The following ECE1 variants were observed in gnomAD, a reference collection of about 807,000 sequenced individuals.
The protein encoded by ECE1 is endothelin-converting enzyme 1.
In ECE1, 35 loss-of-function variants were observed where a neutral mutation model predicts 98.6. The ratio of observed to expected loss-of-function variants is 0.35; its 90% CI spans 0.27 to 0.47. ECE1 has a LOEUF of 0.47. Among genes scored for constraint, ECE1 ranks in the 20% least tolerant of loss-of-function variants. ECE1 has a pLI of 1.00. For synonymous variants in ECE1, 394 were observed against 407.1 expected (o/e 0.97, Z 0.39); for missense variants, 814 against 1,025.3 (o/e 0.79, Z 2.81).
Position 21,290,280 on chromosome 1 carries a change from C to T in ECE1, c.51+84G>A. On this transcript the variant is annotated intron_variant, in intron 1 of 18. Coordinates refer to ENST00000374893, the MANE Select transcript of ECE1 (RefSeq NM_001397.3). The surrounding 1 kb of genome is among the most constrained non-coding windows in gnomAD (Gnocchi z 7.3). ...CCCGCCCCGGCCTGGACACCCGAGA[C>T]CGAGACCGGCCCACGGAGCGGCCCG... is the stretch of plus-strand genomic sequence containing the variant. 7.7e-7 allele frequency: 1 copy of T among 1,293,828 alleles called. No homozygotes were observed. Among genetic ancestry groups the T allele is most frequent in the Non-Finnish European group, 9.8e-7 (1 of 1,020,928 alleles). The allele number at this position is 1,293,828 out of a possible 1,614,324, so 80.1% of individuals were successfully genotyped here.
At chr1:21,255,886 A>G in intron 8 of ECE1, 61 bp downstream of exon 8, 1 of 1,562,182 alleles carries the variant, frequency 6.4e-7, no homozygotes, top group Non-Finnish European at 8.8e-7. Flanking sequence ...CCCCCAGTCC[A>G]GGGCCCTGTC....
chr1:21,291,547 C>T (rs943985479), upstream of ECE1, among the ~76,000 whole-genome samples: 7 of 152,182 alleles, frequency 4.6e-5, no homozygotes, highest in African/African-American at 1.4e-4. Context: ...TGAGGCCAGG[C>T]ACCATGGCTC....
chr1:21,308,959 C>G (rs756995320), intron 1 of ECE1, among the ~76,000 whole-genome samples: 5 of 152,256 alleles, frequency 3.3e-5, no homozygotes, highest in Non-Finnish European at 7.3e-5. Context: ...CAGAGCCCAT[C>G]ATTCACTGTT....
chr1:21,317,196 T>G (rs1558430028), intron 1 of ECE1, among the ~76,000 whole-genome samples: 1 of 152,182 alleles, frequency 6.6e-6, no homozygotes, highest in Non-Finnish European at 1.5e-5. Flanking sequence ...CCCACCAGAA[T>G]AGGTCAGACA....
chr1:21,328,764 GAAA>G (rs35883969), intron 1 of ECE1, among the ~76,000 whole-genome samples: 2 of 50,224 alleles, frequency 4.0e-5, no homozygotes, highest in African/African-American at 1.5e-4. Context: ...CCTCCATCTC[GAAA>G]AAAAAAAAAA....
chr1:21,228,342 G>T (rs545645471), intron 14 of ECE1, among the ~76,000 whole-genome samples: 1 of 152,250 alleles, frequency 6.6e-6, no homozygotes, highest in African/African-American at 2.4e-5. Flanking sequence ...TGGAATTACA[G>T]GCGTGAGCCA....
chr1:21,330,351 C>T (rs752506865), intron 1 of ECE1, among the ~76,000 whole-genome samples: 57 of 150,132 alleles, frequency 3.8e-4, no homozygotes, highest in Non-Finnish European at 6.2e-4. Context: ...TTCTCAGCCT[C>T]CTGAGTAGCT....
At chr1:21,237,697 C>T (rs1018262193) in intron 11 of ECE1, among the ~76,000 whole-genome samples, 3 of 152,194 alleles carry the variant, frequency 2.0e-5, no homozygotes, top group East Asian at 1.9e-4. Flanking sequence ...ACCCGACCAG[C>T]GGTGAGGCCA....
intron 1 of ECE1, among the ~76,000 whole-genome samples, chr1:21,344,244 G>A (rs929042148): frequency 1.6e-4 from 25 of 152,130 alleles, no homozygotes; most frequent in Admixed American, 2.6e-4. Flanking sequence ...GGGACTCTTC[G>A]GCTTTACAGG....
intron 4 of ECE1, among the ~76,000 whole-genome samples, chr1:21,262,683 G>A (rs942441150): frequency 2.0e-5 from 3 of 152,164 alleles, no homozygotes; most frequent in Non-Finnish European, 2.9e-5. Context: ...AGCGAGTTCC[G>A]AGGCCCTCTT....
At chr1:21,245,177 C>T in intron 9 of ECE1, 74 bp from the exon 10 acceptor site, 1 of 1,353,902 alleles carries the variant, frequency 7.4e-7, no homozygotes, top group South Asian at 1.2e-5. Context: ...CCTGCTGGCC[C>T]CTAGGGGGCT....
chr1:21,229,910 C>T (rs1245876397), intron 14 of ECE1, among the ~76,000 whole-genome samples: 2 of 152,146 alleles, frequency 1.3e-5, no homozygotes, highest in African/African-American at 4.8e-5. Flanking sequence ...GTGGCTCATG[C>T]CTGTAATCCT....
At chr1:21,325,211 CA>C (rs1639052624) in intron 1 of ECE1, among the ~76,000 whole-genome samples, 1 of 151,994 alleles carries the variant, frequency 6.6e-6, no homozygotes, top group Non-Finnish European at 1.5e-5. Context: ...CCAGGACCAC[CA>C]ACCTGGTACC....
chr1:21,218,723 A>G lies in ECE1; in HGVS notation c.*1232T>C, dbSNP rs1372282691. ...TGCCTCAGCCTCCCGAGTAACTGGG[A>G]TTACAGGTGCCCACCACCACTCCCG... On this transcript the variant is annotated 3_prime_UTR_variant, in exon 19 of 19. Transcript: ENST00000374893. The surrounding 1 kb of genome is among the most constrained non-coding windows in gnomAD (Gnocchi z 4.0). The G allele has an allele frequency of 6.6e-6, 1 of 152,172 alleles. No individual in the cohort carries two copies. The highest frequency in any genetic ancestry group is 1.5e-5 in the Non-Finnish European group (1 of 68,068). 9.4% of individuals were successfully genotyped at this position (152,172 alleles called of 1,614,324 possible). A position where few individuals can be genotyped will look rare whatever the true frequency, so the allele number is the denominator to read the frequency against.
chr1:21,240,680 T>TTCCC (rs1314153611), intron 10 of ECE1, among the ~76,000 whole-genome samples: 1 of 152,214 alleles, frequency 6.6e-6, no homozygotes, highest in Non-Finnish European at 1.5e-5. Context: ...CCCTCAGCCT[T>TTCCC]TCCCTCCCTC....
intron 1 of ECE1, among the ~76,000 whole-genome samples, chr1:21,306,860 G>A (rs1272690526): frequency 2.0e-5 from 3 of 152,152 alleles, no homozygotes; most frequent in African/African-American, 7.2e-5. Flanking sequence ...AGGTCTCCAT[G>A]AGCCCTGTCT....
chr1:21,344,529 G>C (rs1375047778), intron 1 of ECE1, among the ~76,000 whole-genome samples: 4 of 152,230 alleles, frequency 2.6e-5, no homozygotes, highest in African/African-American at 7.2e-5. Context: ...AGTGGACAAA[G>C]GGCCTTTGCT....
At position 21,290,405 on chromosome 1, in the gene ECE1, C is replaced by G; in HGVS notation, c.10G>C (p.Val4Leu). Residue 4 changes from valine to leucine, a missense_variant, in exon 1 of 19, where the codon GTG becomes CTG. Val to Leu is a conservative substitution (Grantham distance 32). Transcript: ENST00000374893. This position sits in a 1 kb window ranked among gnomAD's most constrained non-coding sequence, Gnocchi z 7.3. ...AGGGCGGACACCGGGGGCGGCCACA[C>G]GCCCCGCATGCTGTGCCCCAGACGC... is the stretch of plus-strand genomic sequence containing the variant. MRG[V>L]WPPPVSALLS... The G allele has an allele frequency of 3.8e-5, 47 of 1,238,332 alleles. No individual in the cohort carries two copies. The highest frequency in any genetic ancestry group is 4.7e-5 in the Non-Finnish European group (47 of 993,046). The allele number at this position is 1,238,332 out of a possible 1,614,324, so 76.7% of individuals were successfully genotyped here.
At chr1:21,298,544 G>A (rs1191750724) in intron 1 of ECE1, 3 of 337,990 alleles carry the variant, frequency 8.9e-6, no homozygotes, top group East Asian at 7.5e-5. Flanking sequence ...GTGAGCCACG[G>A]AAAGGCCTCA....
Sources: gnomAD v4.1 joint callset for allele counts (sites outside exome capture counted in the v4.1 genomes callset) on GRCh38, gnomAD v4.1.1 for gene constraint, Gnocchi (gnomAD v3.1) non-coding constraint, MANE v1.5 for transcripts, NCBI Gene and HGNC (gene_info 2026-07-23, HGNC 2026-07-21) for gene names.